The following SENP8 variants were observed in gnomAD, a reference collection of about 807,000 sequenced individuals.
SENP8 encodes the protein sentrin-specific protease 8.
Under a neutral mutation model 14.4 loss-of-function variants are expected in SENP8, and 10 were observed. That is an observed-to-expected ratio of 0.69 (90% CI 0.43 to 1.18). The LOEUF is 1.18. Ranked by LOEUF, SENP8 falls within the 50% of genes most tolerant of loss-of-function variation. SENP8 has a pLI of 0.00. For missense variants in SENP8, 202 were observed against 249.4 expected, an observed-to-expected ratio of 0.81 and a Z score of 1.28; for synonymous variants, 94 against 95.5, an observed-to-expected ratio of 0.98 and a Z score of 0.09.
chr15:72,117,123 G>A (rs927034850), upstream of SENP8: 14 of 152,274 alleles, frequency 9.2e-5, no homozygotes, highest in African/African-American at 3.4e-4. Flanking sequence ...AGAAGCCAAA[G>A]TCTGTGACGG....
At chr15:72,135,378 T>A (rs2081317492) in intron 1 of SENP8, 1 of 151,630 alleles carries the variant, frequency 6.6e-6, no homozygotes, top group Non-Finnish European at 1.5e-5. Context: ...AAGCACACTT[T>A]GTGAGAAATA....
chr15:72,130,887 A>G (rs2081267645), intron 1 of SENP8, among the ~76,000 whole-genome samples: 1 of 152,170 alleles, frequency 6.6e-6, no homozygotes, highest in Non-Finnish European at 1.5e-5. Flanking sequence ...AGGATGACAG[A>G]ATTTAAAAAT....
Position 72,139,679 on chromosome 15 carries a change from C to G in SENP8, c.56C>G (p.Ser19Ter). 1 of 1,614,186 alleles carries G rather than the reference C, an allele frequency of 6.2e-7. No individual in the cohort carries two copies. Among genetic ancestry groups the G allele is most frequent in the Non-Finnish European group, 8.5e-7 (1 of 1,180,038 alleles). Residue 19 changes from serine (S) to a stop codon, truncating the protein, a stop_gained, in exon 2 of 2, where the codon TCA becomes TGA. Transcript: ENST00000340912. LOFTEE classifies it high-confidence loss of function. ...MDSLLRQSDV[S>*]LLDPPSWLND... is the part of the protein sequence containing the mutation. Reference sequence around the variant, plus strand: ...AGTCTACTGCGGCAATCAGATGTCTCACTATTGGATCCGCCAAGCTGGCTC... The same window carrying G: ...AGTCTACTGCGGCAATCAGATGTCTGACTATTGGATCCGCCAAGCTGGCTC...
At chr15:72,126,455 C>T (rs2081220250) in intron 1 of SENP8, among the ~76,000 whole-genome samples, 1 of 151,888 alleles carries the variant, frequency 6.6e-6, no homozygotes, top group South Asian at 2.1e-4. Flanking sequence ...AACCCTGTCT[C>T]TACTAAAAAA....
rs1314649175 is a variant in SENP8 at position 72,140,340 on chromosome 15, G to C, written c.*78G>C. The C allele has an allele frequency of 9.7e-7, 1 of 1,028,140 alleles. No homozygotes were observed. Among genetic ancestry groups the C allele is most frequent in the African/African-American group, 1.6e-5 (1 of 62,792 alleles). The allele number at this position is 1,028,140 out of a possible 1,614,324, so 63.7% of individuals were successfully genotyped here. A position where few individuals can be genotyped will look rare whatever the true frequency, so the allele number is the denominator to read the frequency against. ...TTTGTTGGATGGCTGCAATCTCAGTGCCTGAGGGAAGATGCCTAGTAGAGG... is the reference window on the plus strand; with the variant it reads ...TTTGTTGGATGGCTGCAATCTCAGTCCCTGAGGGAAGATGCCTAGTAGAGG... On this transcript the variant is annotated 3_prime_UTR_variant, in exon 2 of 2. Transcript: ENST00000340912.
chr15:72,118,340 C>T (rs1229443607), upstream of SENP8: 6 of 191,266 alleles, frequency 3.1e-5, no homozygotes, highest in African/African-American at 4.7e-5. Flanking sequence ...TTTAGATTCT[C>T]CCTGTACTGG....
At position 72,143,234 on chromosome 15, in the gene SENP8, T is replaced by C. The variant is rs2140532530; in HGVS notation, c.*2972T>C. On this transcript the variant is annotated 3_prime_UTR_variant, in exon 2 of 2. Coordinates refer to ENST00000340912, the MANE Select transcript of SENP8 (RefSeq NM_145204.4). ...AAAAAAGTATTTACAGAAATGTACA[T>C]GCTATGGTGTTAGAGCATGAATGTC... is the stretch of plus-strand genomic sequence containing the variant. The C allele has an allele frequency of 6.6e-6, 1 of 152,048 alleles. No individual in the cohort carries two copies. Among genetic ancestry groups the C allele is most frequent in the South Asian group, 2.1e-4 (1 of 4,810 alleles). The allele number at this position is 152,048 out of a possible 1,614,324, so 9.4% of individuals were successfully genotyped here. A position where few individuals can be genotyped will look rare whatever the true frequency, so the allele number is the denominator to read the frequency against.
At chr15:72,137,957 G>A (rs148723114) in intron 1 of SENP8, among the ~76,000 whole-genome samples, 1,923 of 151,722 alleles carry the variant, frequency 0.013, 27 homozygotes, top group African/African-American at 0.02. Context: ...GGGTGACAGT[G>A]CGAGACTCCA....
chr15:72,133,293 A>T (rs914437635), intron 1 of SENP8, among the ~76,000 whole-genome samples: 4 of 152,198 alleles, frequency 2.6e-5, no homozygotes, highest in Non-Finnish European at 5.9e-5. Flanking sequence ...AATGGCTCCC[A>T]CTTCCTCCAG....
Position 72,139,939 on chromosome 15 carries a change from T to C in SENP8, c.316T>C (p.Leu106=). The C allele has an allele frequency of 1.2e-6, 2 of 1,614,208 alleles. No individual in the cohort carries two copies. The highest frequency in any genetic ancestry group is 1.7e-6 in the Non-Finnish European group (2 of 1,180,028). Residue 106 remains leucine (L), a synonymous_variant, in exon 2 of 2, where the codon TTG becomes CTG. Coordinates refer to ENST00000340912, the MANE Select transcript of SENP8 (RefSeq NM_145204.4). The part of the protein sequence containing the change: ...QAAGGTHWSL[L]VYLQDKNSFF... ...AGCTGGAGGAACCCACTGGAGTTTA[T>C]TGGTCTACCTCCAAGATAAAAATAG...
At chr15:72,125,450 T>A (rs925854703) in intron 1 of SENP8, among the ~76,000 whole-genome samples, 1 of 142,306 alleles carries the variant, frequency 7.0e-6, no homozygotes, top group African/African-American at 2.7e-5. Context: ...TTTCTAACAA[T>A]TTTTTTTTTA....
At chr15:72,137,477 C>A (rs2081337698) in intron 1 of SENP8, among the ~76,000 whole-genome samples, 1 of 151,902 alleles carries the variant, frequency 6.6e-6, no homozygotes. Flanking sequence ...TTTATCATAC[C>A]CCTTGAAGCT....
chr15:72,116,144 G>A (rs2080967027), upstream of SENP8, among the ~76,000 whole-genome samples: 1 of 152,194 alleles, frequency 6.6e-6, no homozygotes, highest in Admixed American at 6.5e-5. Context: ...AATAGTGGTT[G>A]CCTCTAAAGA....
upstream of SENP8, among the ~76,000 whole-genome samples, chr15:72,115,728 G>C (rs12901886): frequency 1.3e-5 from 2 of 152,010 alleles, no homozygotes; most frequent in African/African-American, 4.8e-5. Context: ...CATCATCACA[G>C]CTAGTCACAC....
intron 1 of SENP8, among the ~76,000 whole-genome samples, chr15:72,128,135 G>GGGGAC (rs2081238361): frequency 6.6e-6 from 1 of 151,596 alleles, no homozygotes; most frequent in Non-Finnish European, 1.5e-5. Flanking sequence ...AGGGAGGGGA[G>GGGGAC]GGGAAGAAGA....
Position 72,139,602 on chromosome 15 carries a change from G to A in SENP8, c.-22G>A, listed in dbSNP as rs776287911. On this transcript the variant is annotated 5_prime_UTR_variant, in exon 2 of 2. Coordinates refer to ENST00000340912, the MANE Select transcript of SENP8 (RefSeq NM_145204.4). ...CTCTTGTTCAGCTTCTGGAATTTCT[G>A]AGCAGCCCTCGTCAGTACAAGATGG... 6.3e-7 allele frequency: 1 copy of A among 1,590,926 alleles called. No individual in the cohort carries two copies. Among genetic ancestry groups the A allele is most frequent in the African/African-American group, 1.3e-5 (1 of 74,358 alleles).
In SENP8 at chr15:72,140,217, G is replaced by C; in HGVS notation, c.594G>C (p.Lys198Asn). ...TCACCCCTGCATACATCACAAAGAA[G>C]AGGGGAGAATGGAAAGATCTCATTA... The part of the protein sequence containing the change: ...QLLTPAYITK[K>N]RGEWKDLITT... The change falls in exon 2 of 2, where the codon AAG becomes AAC. Residue 198 changes from lysine to asparagine, a missense_variant. Coordinates refer to ENST00000340912, the MANE Select transcript of SENP8 (RefSeq NM_145204.4). 6.2e-7 allele frequency: 1 copy of C among 1,614,108 alleles called. No individual in the cohort carries two copies. Among genetic ancestry groups the C allele is most frequent in the South Asian group, 1.1e-5 (1 of 91,040 alleles).
intron 1 of SENP8, among the ~76,000 whole-genome samples, chr15:72,121,014 GT>G (rs770517001): frequency 7.2e-5 from 11 of 152,200 alleles, no homozygotes; most frequent in African/African-American, 7.2e-5. Flanking sequence ...CAGTATAATG[GT>G]TTTAAGCAAG....
rs899094833 is a variant in SENP8, at chr15:72,142,802, T to C, written c.*2540T>C. 6 of 152,266 alleles carry C rather than the reference T, an allele frequency of 3.9e-5. No homozygotes were observed. The highest frequency in any genetic ancestry group is 1.2e-4 in the African/African-American group (5 of 41,474). 9.4% of individuals were successfully genotyped at this position (152,266 alleles called of 1,614,324 possible). On this transcript the variant is annotated 3_prime_UTR_variant, in exon 2 of 2. Transcript: ENST00000340912. Reference sequence around the variant, plus strand: ...GATAAAGTGGATTATGTTTCTGATATGTACCTAATTATTTTGACTATACTA... The same window carrying C: ...GATAAAGTGGATTATGTTTCTGATACGTACCTAATTATTTTGACTATACTA...
Sources: allele counts gnomAD v4.1 joint callset (sites outside exome capture counted in the v4.1 genomes callset), GRCh38; gene constraint gnomAD v4.1.1; transcripts MANE v1.5; gene names NCBI Gene and HGNC (gene_info 2026-07-23, HGNC 2026-07-21).